Variants in ATP5MK observed in about 807,000 individuals in gnomAD.
ATP5MK encodes the protein ATP synthase membrane subunit k.
A neutral mutation model predicts 6.6 loss-of-function variants in ATP5MK; 5 were observed. That is an observed-to-expected ratio of 0.76 (90% confidence interval 0.40 to 1.60). ATP5MK has a LOEUF of 1.60. Ranked by LOEUF, ATP5MK falls within the 40% of genes most tolerant of loss-of-function variation. The pLI is 0.02. For synonymous variants in ATP5MK, 30 were observed against 24.5 expected (o/e 1.22, Z -0.66); for missense variants, 57 against 66.6 (o/e 0.86, Z 0.50).
In ATP5MK at chr10:103,395,875, C is replaced by T. The variant is rs2093431925; in HGVS notation, c.-139G>A. The T allele has an allele frequency of 6.6e-6, 1 of 152,224 alleles. No individual in the cohort carries two copies. The highest frequency in any genetic ancestry group is 2.1e-4 in the South Asian group (1 of 4,834). 9.4% of individuals were successfully genotyped at this position (152,224 alleles called of 1,614,324 possible). ...GGTTACCTCCTAGGAAAGGCCTTCC[C>T]ACTGATCGTCTATAGACTGAAATCT... On this transcript the variant is annotated 5_prime_UTR_variant, in exon 2 of 5. Transcript: ENST00000369815.
chr10:103,395,023 G>T (rs192313542), intron 2 of ATP5MK, among the ~76,000 whole-genome samples: 63 of 152,258 alleles, frequency 4.1e-4, no homozygotes, highest in African/African-American at 1.4e-3. Context: ...TGATTGCAGG[G>T]AAGTGCATGG....
intron 4 of ATP5MK, 127 bp from the exon 5 acceptor site, chr10:103,389,293 A>T (rs1265688381): frequency 2.0e-5 from 3 of 152,220 alleles, no homozygotes; most frequent in Admixed American, 1.3e-4. Flanking sequence ...CAAAGATGTA[A>T]CACCAAAAAA....
chr10:103,392,772 TGGCTCCATCACACCA>T (rs1478052615), intron 2 of ATP5MK, among the ~76,000 whole-genome samples: 1 of 152,220 alleles, frequency 6.6e-6, no homozygotes, highest in Non-Finnish European at 1.5e-5. Flanking sequence ...TTTTCATTCC[TGGCTCCATCACACCA>T]CAGTCCATTG....
At chr10:103,390,029 G>C (rs2093409392) in intron 4 of ATP5MK, among the ~76,000 whole-genome samples, 1 of 151,704 alleles carries the variant, frequency 6.6e-6, no homozygotes. Context: ...ACCACGCCCA[G>C]CCTCTCCATT....
rs7478155 is a variant in ATP5MK, at chr10:103,396,404, C to G, written c.-297+5G>C. 6.6e-6 allele frequency: 1 copy of G among 152,394 alleles called. No individual in the cohort carries two copies. Among genetic ancestry groups the G allele is most frequent in the Non-Finnish European group, 1.5e-5 (1 of 68,184 alleles). 9.4% of individuals were successfully genotyped at this position (152,394 alleles called of 1,614,324 possible). A position where few individuals can be genotyped will look rare whatever the true frequency, so the allele number is the denominator to read the frequency against. On this transcript the variant is annotated splice_donor_5th_base_variant and intron_variant, in intron 1 of 4. Coordinates refer to ENST00000369815, the MANE Select transcript of ATP5MK (RefSeq NM_001206427.2). ...GTCCAAGCCCGGACTCCCCTCTTCACCCACCTGCCAAAGCCGCAAATTCCG... is the reference window on the plus strand; with the variant it reads ...GTCCAAGCCCGGACTCCCCTCTTCAGCCACCTGCCAAAGCCGCAAATTCCG...
chr10:103,391,836 T>G (rs1393732871), intron 4 of ATP5MK, among the ~76,000 whole-genome samples: 1 of 151,760 alleles, frequency 6.6e-6, no homozygotes, highest in East Asian at 1.9e-4. Context: ...GACACGATTT[T>G]GCTCTTTCGC....
chr10:103,394,706 GTT>G (rs1468782659), intron 2 of ATP5MK, among the ~76,000 whole-genome samples: 1 of 151,714 alleles, frequency 6.6e-6, no homozygotes, highest in African/African-American at 2.4e-5. Context: ...GCTATCAACT[GTT>G]CCACTTTACT....
At chr10:103,394,597 C>T (rs560933207) in intron 2 of ATP5MK, among the ~76,000 whole-genome samples, 136 of 152,286 alleles carry the variant, frequency 8.9e-4, no homozygotes, top group Admixed American at 2.6e-3. Context: ...TCTTCAGAGA[C>T]CTTGGCCAGT....
chr10:103,389,304 A>G (rs1307225682), intron 4 of ATP5MK, 138 bp from the exon 5 acceptor site: 2 of 152,214 alleles, frequency 1.3e-5, no homozygotes, highest in African/African-American at 4.8e-5. Flanking sequence ...CACCAAAAAA[A>G]TTAAAGTGTA....
intron 1 of ATP5MK, among the ~76,000 whole-genome samples, 167 bp downstream of exon 1, chr10:103,396,242 C>A (rs1218513229): frequency 6.6e-6 from 1 of 152,220 alleles, no homozygotes; most frequent in Non-Finnish European, 1.5e-5. Flanking sequence ...GGCTTCTCAC[C>A]CGCTGGCCGC....
At position 103,389,082 on chromosome 10, in the gene ATP5MK, A is replaced by AATTATCACATGATGAGTTGGC. The variant is rs1303349146; in HGVS notation, c.*67_*87dup. 6.6e-6 allele frequency: 1 copy of AATTATCACATGATGAGTTGGC among 152,666 alleles called. No homozygotes were observed. Among genetic ancestry groups the AATTATCACATGATGAGTTGGC allele is most frequent in the Non-Finnish European group, 1.5e-5 (1 of 68,048 alleles). 9.5% of individuals were successfully genotyped at this position (152,666 alleles called of 1,614,324 possible). ...GGTTCATAATTTATTGTACAAATTG[A>AATTATCACATGATGAGTTGGC]ATTATCACATGATGAGTTGGCATTA... On this transcript the variant is annotated 3_prime_UTR_variant, in exon 5 of 5. Coordinates refer to ENST00000369815, the MANE Select transcript of ATP5MK (RefSeq NM_001206427.2).
rs1168802274 is a variant in ATP5MK at position 103,389,128 on chromosome 10, T to C, written c.*42A>G. The C allele has an allele frequency of 6.6e-6, 1 of 152,644 alleles. No homozygotes were observed. The highest frequency in any genetic ancestry group is 1.5e-5 in the Non-Finnish European group (1 of 68,050). The allele number at this position is 152,644 out of a possible 1,614,324, so 9.5% of individuals were successfully genotyped here. On this transcript the variant is annotated 3_prime_UTR_variant, in exon 5 of 5. Transcript: ENST00000369815. The stretch of plus-strand genomic sequence containing the variant: ...CATTAGCTTCTCCAGGCATGGGAAC[T>C]TAACAGATGAGGTTAAGAACCGTAG...
intron 2 of ATP5MK, among the ~76,000 whole-genome samples, chr10:103,394,633 T>C (rs2093424764): frequency 6.6e-6 from 1 of 152,112 alleles, no homozygotes; most frequent in Non-Finnish European, 1.5e-5. Context: ...AAATCTCCAT[T>C]AAAAATAACT....
chr10:103,395,066 C>G (rs990769667), intron 2 of ATP5MK, among the ~76,000 whole-genome samples: 3 of 152,096 alleles, frequency 2.0e-5, no homozygotes, highest in African/African-American at 7.2e-5. Flanking sequence ...TCAAGTTAGT[C>G]TGGGTCTTAA....
In ATP5MK at chr10:103,396,444, C is replaced by T. The variant is rs1368557321; in HGVS notation, c.-332G>A. On this transcript the variant is annotated 5_prime_UTR_variant, in exon 1 of 5. Transcript: ENST00000369815. ...CGCAAATTCCGCAGCTGGTGTCCTT[C>T]AACGAATGTAACCACCTCTCGGCCC... 6.6e-6 allele frequency: 1 copy of T among 152,490 alleles called. No homozygotes were observed. The highest frequency in any genetic ancestry group is 1.5e-5 in the Non-Finnish European group (1 of 68,318). 9.4% of individuals were successfully genotyped at this position (152,490 alleles called of 1,614,324 possible).
intron 2 of ATP5MK, among the ~76,000 whole-genome samples, 152 bp from the exon 3 acceptor site, chr10:103,392,618 A>G (rs2093417943): frequency 6.8e-6 from 1 of 146,978 alleles, no homozygotes; most frequent in African/African-American, 2.5e-5. Flanking sequence ...AGTAGTAGCA[A>G]AGATGGTGGA....
At chr10:103,391,439 T>TA (rs779509977) in intron 4 of ATP5MK, among the ~76,000 whole-genome samples, 15 of 152,220 alleles carry the variant, frequency 9.9e-5, no homozygotes, top group Non-Finnish European at 1.6e-4. Flanking sequence ...GACGTGATCA[T>TA]AGTCACTGGA....
intron 2 of ATP5MK, among the ~76,000 whole-genome samples, chr10:103,395,053 C>T (rs1474853439): frequency 6.6e-6 from 1 of 152,130 alleles, no homozygotes; most frequent in African/African-American, 2.4e-5. Flanking sequence ...TGAAATCAAT[C>T]ACTCAAGTTA....
chr10:103,391,816 T>C (rs1460678762), intron 4 of ATP5MK, among the ~76,000 whole-genome samples: 1 of 151,914 alleles, frequency 6.6e-6, no homozygotes, highest in Non-Finnish European at 1.5e-5. Flanking sequence ...CCTCTTTTTC[T>C]TTTTTTTGAG....
Sources: allele counts gnomAD v4.1 joint callset (sites outside exome capture counted in the v4.1 genomes callset), GRCh38; gene constraint gnomAD v4.1.1; transcripts MANE v1.5; gene names NCBI Gene and HGNC (gene_info 2026-07-23, HGNC 2026-07-21).